Variants in PARD3B observed in about 807,000 individuals in gnomAD.
The protein encoded by PARD3B is partitioning defective 3 homolog B.
Under a neutral mutation model 130.2 loss-of-function variants are expected in PARD3B, and 103 were observed. That is an observed-to-expected ratio of 0.79 (90% confidence interval 0.67 to 0.93). The LOEUF (loss-of-function observed/expected upper bound fraction) is 0.93. Ranked by LOEUF, PARD3B falls within the 40% of genes least tolerant of loss-of-function variation. The pLI is 0.00. For synonymous variants in PARD3B, 583 were observed against 553.2 expected, an observed-to-expected ratio of 1.05 and a Z score of -0.76; for missense variants, 1,609 against 1,499.2, an observed-to-expected ratio of 1.07 and a Z score of -1.21.
chr2:204,992,159 A>G (rs1321540470), intron 3 of PARD3B, among the ~76,000 whole-genome samples: 1 of 150,562 alleles, frequency 6.6e-6, no homozygotes, highest in Non-Finnish European at 1.5e-5. Context: ...GCCCACGCCT[A>G]TGTCCTGAAT....
chr2:205,375,399 G>A (rs1452544399), intron 18 of PARD3B, among the ~76,000 whole-genome samples: 1 of 152,208 alleles, frequency 6.6e-6, no homozygotes, highest in Non-Finnish European at 1.5e-5. Context: ...GTGAGGGGAA[G>A]GGTCAGGAAG....
chr2:205,340,190 T>C (rs777105045), intron 18 of PARD3B, among the ~76,000 whole-genome samples: 4 of 152,100 alleles, frequency 2.6e-5, no homozygotes, highest in Non-Finnish European at 5.9e-5. Context: ...CATTTTAACA[T>C]TATTAATTCT....
rs1274638390 is a variant in PARD3B, at chr2:205,341,574, T to C, written c.2630+39873T>C. ...CTCATGAAAGTAGAGACCAGAATTG[T>C]GGCTATTAGAGGCTGGGAAGCATGG... On this transcript the variant is annotated intron_variant, in intron 18 of 22. Coordinates refer to ENST00000406610, the MANE Select transcript of PARD3B (RefSeq NM_001302769.2). This position sits in a 1 kb window ranked among gnomAD's most constrained non-coding sequence, Gnocchi z 4.3. Among the ~76,000 whole-genome samples, 1 of 152,094 alleles carries C rather than the reference T, an allele frequency of 6.6e-6. No individual in the cohort carries two copies. Among genetic ancestry groups the C allele is most frequent in the Non-Finnish European group, 1.5e-5 (1 of 67,968 alleles).
chr2:204,862,987 A>T (rs1425972708), intron 2 of PARD3B, among the ~76,000 whole-genome samples: 2 of 152,174 alleles, frequency 1.3e-5, no homozygotes, highest in Non-Finnish European at 2.9e-5. Context: ...AAACCTCCGG[A>T]GGCTCCACCC....
At chr2:205,586,962 C>T (rs2054218199) in intron 22 of PARD3B, among the ~76,000 whole-genome samples, 1 of 152,146 alleles carries the variant, frequency 6.6e-6, no homozygotes, top group South Asian at 2.1e-4. Context: ...TTCGTAACAA[C>T]CTGCACGGTG....
chr2:204,901,478 C>T (rs985161464), intron 2 of PARD3B, among the ~76,000 whole-genome samples: 3 of 151,754 alleles, frequency 2.0e-5, no homozygotes, highest in African/African-American at 7.3e-5. Flanking sequence ...CTGGGACTCT[C>T]CCTTTAGGGC....
chr2:205,543,797 C>T (rs1171489158), intron 21 of PARD3B, among the ~76,000 whole-genome samples: 1 of 152,104 alleles, frequency 6.6e-6, no homozygotes, highest in Admixed American at 6.6e-5. Flanking sequence ...TGGAAGTGAC[C>T]AGAACTTGCC....
intron 2 of PARD3B, among the ~76,000 whole-genome samples, chr2:204,716,184 T>C (rs1268933547): frequency 1.3e-5 from 2 of 152,146 alleles, no homozygotes; most frequent in Non-Finnish European, 2.9e-5. Flanking sequence ...CCCTAAGAGA[T>C]AGTAATAGTC....
chr2:205,002,431 A>G (rs542565765), intron 3 of PARD3B, among the ~76,000 whole-genome samples: 7 of 152,270 alleles, frequency 4.6e-5, no homozygotes, highest in Non-Finnish European at 8.8e-5. Context: ...TGCGACTGAC[A>G]TCTTTACCTG....
At chr2:205,598,646 C>G (rs60293905) in intron 22 of PARD3B, among the ~76,000 whole-genome samples, 3,025 of 152,228 alleles carry the variant, frequency 0.02, 93 homozygotes, top group African/African-American at 0.068. Context: ...ATACTTTACC[C>G]AACAACCACA....
intron 2 of PARD3B, among the ~76,000 whole-genome samples, chr2:204,727,498 A>C (rs145220702): frequency 1.4e-3 from 207 of 152,252 alleles, no homozygotes; most frequent in African/African-American, 4.6e-3. Flanking sequence ...TTGTTCTGTC[A>C]ACTGAAGAAT....
rs1035080299 is a variant in PARD3B at position 205,230,367 on chromosome 2, G to C, written c.2141-15411G>C. On this transcript the variant is annotated intron_variant, in intron 15 of 22. Coordinates refer to ENST00000406610, the MANE Select transcript of PARD3B (RefSeq NM_001302769.2). The surrounding 1 kb of genome is among the most constrained non-coding windows in gnomAD (Gnocchi z 4.1). ...GCAAGTGATGAATCCTACCAGGTCTGGGTTCTCCCCTTCAAAGCTGCGAGT... is the reference window on the plus strand; with the variant it reads ...GCAAGTGATGAATCCTACCAGGTCTCGGTTCTCCCCTTCAAAGCTGCGAGT... 1.3e-5 allele frequency among the ~76,000 whole-genome samples: 2 copies of C among 152,126 alleles called. No individual in the cohort carries two copies. Among genetic ancestry groups the C allele is most frequent in the African/African-American group, 2.4e-5 (1 of 41,420 alleles).
At chr2:205,172,137 CT>C in intron 11 of PARD3B, 73 bp from the exon 12 acceptor site, 1 of 1,426,678 alleles carries the variant, frequency 7.0e-7, no homozygotes, top group Admixed American at 2.3e-5. Flanking sequence ...TAAACTTGAA[CT>C]TTTCCCCAAA....
intron 1 of PARD3B, among the ~76,000 whole-genome samples, chr2:204,550,582 A>C (rs532244190): frequency 6.6e-6 from 1 of 152,234 alleles, no homozygotes; most frequent in Non-Finnish European, 1.5e-5. Flanking sequence ...GAATTTACAA[A>C]GGCCAATTTG....
chr2:204,869,319 G>A (rs1015338962), intron 2 of PARD3B, among the ~76,000 whole-genome samples: 3 of 152,066 alleles, frequency 2.0e-5, no homozygotes, highest in Admixed American at 6.6e-5. Context: ...CTGTTCTTTC[G>A]CTCCTCCTTG....
chr2:204,844,467 T>C (rs1439784775), intron 2 of PARD3B, among the ~76,000 whole-genome samples: 1 of 152,196 alleles, frequency 6.6e-6, no homozygotes, highest in Non-Finnish European at 1.5e-5. Flanking sequence ...TATAAAGGAA[T>C]GTTTATATTT....
At chr2:205,108,022 A>G (rs1451532553) in intron 5 of PARD3B, among the ~76,000 whole-genome samples, 1 of 152,174 alleles carries the variant, frequency 6.6e-6, no homozygotes, top group African/African-American at 2.4e-5. Flanking sequence ...TTTCATTCTT[A>G]AAACGCCAGC....
At chr2:205,047,264 TCA>T (rs1257264102) in intron 3 of PARD3B, among the ~76,000 whole-genome samples, 1 of 152,198 alleles carries the variant, frequency 6.6e-6, no homozygotes, top group Non-Finnish European at 1.5e-5. Context: ...TTTTTAATAC[TCA>T]CATATATTTT....
At chr2:205,488,438 G>T (rs1269283162) in intron 20 of PARD3B, among the ~76,000 whole-genome samples, 4 of 152,138 alleles carry the variant, frequency 2.6e-5, no homozygotes, top group African/African-American at 9.7e-5. Context: ...ACCTGTGTAA[G>T]CTCACCGGTT....
Sources: gnomAD v4.1 joint callset for allele counts (sites outside exome capture counted in the v4.1 genomes callset) on GRCh38, gnomAD v4.1.1 for gene constraint, Gnocchi (gnomAD v3.1) non-coding constraint, MANE v1.5 for transcripts, NCBI Gene and HGNC (gene_info 2026-07-23, HGNC 2026-07-21) for gene names.